MBD5: variants seen among roughly 807,000 people sequenced by gnomAD.
MBD5 encodes methyl-CpG-binding domain protein 5.
Under a neutral mutation model 117.3 loss-of-function variants are expected in MBD5, and 13 were observed. That is an observed-to-expected ratio of 0.11 (90% CI 0.07 to 0.18). The LOEUF is 0.18. Ranked by LOEUF, MBD5 falls within the 10% of genes least tolerant of loss-of-function variation. MBD5 has a pLI of 1.00. For missense variants in MBD5, 1,879 were observed against 2,093.8 expected, an observed-to-expected ratio of 0.90 and a Z score of 2.00; for synonymous variants, 727 against 766.4, an observed-to-expected ratio of 0.95 and a Z score of 0.85.
rs1409822898 is a variant in MBD5 at position 148,469,711 on chromosome 2, A to T, written c.1768A>T (p.Asn590Tyr). 1 of 1,613,956 alleles carries T rather than the reference A, an allele frequency of 6.2e-7. No individual in the cohort carries two copies. The highest frequency in any genetic ancestry group is 2.2e-5 in the East Asian group (1 of 44,868). ...LSAAAKAQLANQNKLAGNNSS... is the reference protein window; with the variant it reads ...LSAAAKAQLAYQNKLAGNNSS... ...AGCAGCAGCCAAAGCACAGCTAGCA[A>T]ATCAAAACAAACTTGCTGGTAACAA... The change falls in exon 8 of 14, where the codon AAT becomes TAT. Residue 590 changes from asparagine to tyrosine, a missense_variant. Transcript: ENST00000642680.
At chr2:148,262,865 C>A (rs993420873) in intron 3 of MBD5, among the ~76,000 whole-genome samples, 2 of 152,134 alleles carry the variant, frequency 1.3e-5, no homozygotes, top group African/African-American at 4.8e-5. Context: ...AAAGCAATAG[C>A]CTTAGGTGGG....
At chr2:148,482,325 G>A (rs915011518) in intron 8 of MBD5, among the ~76,000 whole-genome samples, 2 of 151,856 alleles carry the variant, frequency 1.3e-5, no homozygotes, top group African/African-American at 2.4e-5. Context: ...TCATGACTGT[G>A]GATTGATTAA....
At chr2:148,352,778 A>G (rs1176076320) in intron 4 of MBD5, among the ~76,000 whole-genome samples, 1 of 152,102 alleles carries the variant, frequency 6.6e-6, no homozygotes, top group Non-Finnish European at 1.5e-5. Flanking sequence ...AGTGTTTCAG[A>G]TTTCAGATTT....
At chr2:148,396,305 G>A (rs1704712430) in intron 4 of MBD5, among the ~76,000 whole-genome samples, 1 of 152,192 alleles carries the variant, frequency 6.6e-6, no homozygotes, top group Admixed American at 6.5e-5. Flanking sequence ...CAGAGCTGGT[G>A]TTAGAGAGCA....
At chr2:148,145,465 G>A (rs960428180) in intron 1 of MBD5, among the ~76,000 whole-genome samples, 2 of 152,084 alleles carry the variant, frequency 1.3e-5, no homozygotes, top group Non-Finnish European at 2.9e-5. Context: ...GATTGCCCTG[G>A]CCAGAACTTC....
Position 148,265,263 on chromosome 2 carries a change from C to T in MBD5, c.-680+31868C>T, listed in dbSNP as rs1700829752. Among the ~76,000 whole-genome samples, 3 of 152,116 alleles carry T rather than the reference C, an allele frequency of 2.0e-5. No homozygotes were observed. The South Asian group carries it at 6.2e-4, about 32-fold the overall frequency. Reference sequence around the variant, plus strand: ...AAAGAAATAAAAAACTTTTAAAATTCCAGTACCTGATTAAAATAACAGCAA... The same window carrying T: ...AAAGAAATAAAAAACTTTTAAAATTTCAGTACCTGATTAAAATAACAGCAA... On this transcript the variant is annotated intron_variant, in intron 3 of 13. Coordinates refer to ENST00000642680, the MANE Select transcript of MBD5 (RefSeq NM_001378120.1).
intron 1 of MBD5, among the ~76,000 whole-genome samples, chr2:148,029,615 C>G (rs2105576825): frequency 6.6e-6 from 1 of 152,158 alleles, no homozygotes; most frequent in Admixed American, 6.5e-5. Context: ...ATTTAGAATT[C>G]TTTGAAACCA....
intron 12 of MBD5, among the ~76,000 whole-genome samples, chr2:148,507,919 T>G (rs1682091632): frequency 6.6e-6 from 1 of 152,178 alleles, no homozygotes; most frequent in South Asian, 2.1e-4. Flanking sequence ...ATATAGTCAA[T>G]TTTAAACTCC....
intron 4 of MBD5, among the ~76,000 whole-genome samples, chr2:148,384,731 C>T (rs958117595): frequency 6.6e-6 from 1 of 151,938 alleles, no homozygotes; most frequent in African/African-American, 2.4e-5. Context: ...GCTACAGTAA[C>T]CAAAACAGCA....
chr2:148,468,214 T>C (rs1680632552), intron 7 of MBD5, 127 bp from the exon 8 acceptor site: 1 of 723,518 alleles, frequency 1.4e-6, no homozygotes, highest in Non-Finnish European at 2.4e-6. Flanking sequence ...CAGCTTTTAT[T>C]TACAGATTCC....
intron 1 of MBD5, among the ~76,000 whole-genome samples, chr2:148,061,015 G>A (rs955968291): frequency 2.0e-5 from 3 of 152,008 alleles, no homozygotes; most frequent in South Asian, 2.1e-4. Context: ...ATTGTAAAAA[G>A]TTTTCCCAAT....
At chr2:148,139,329 C>A (rs1192223834) in intron 1 of MBD5, among the ~76,000 whole-genome samples, 1 of 152,112 alleles carries the variant, frequency 6.6e-6, no homozygotes, top group Non-Finnish European at 1.5e-5. Context: ...GCCTCAGCCT[C>A]CCGAGTAGCT....
chr2:148,078,660 T>A (rs1695567564), intron 1 of MBD5, among the ~76,000 whole-genome samples: 1 of 152,234 alleles, frequency 6.6e-6, no homozygotes, highest in Non-Finnish European at 1.5e-5. Context: ...CTACAGTAGC[T>A]AAAATAGCGT....
At chr2:148,188,204 G>A (rs1020506289) in intron 2 of MBD5, among the ~76,000 whole-genome samples, 1 of 152,258 alleles carries the variant, frequency 6.6e-6, no homozygotes, top group South Asian at 2.1e-4. Flanking sequence ...TTCAAAATTT[G>A]AATGAATTCT....
intron 1 of MBD5, among the ~76,000 whole-genome samples, chr2:148,087,479 C>G (rs977265275): frequency 6.6e-6 from 1 of 152,224 alleles, no homozygotes; most frequent in African/African-American, 2.4e-5. Flanking sequence ...TCCCTGCCAC[C>G]TCTACCAGAG....
intron 8 of MBD5, among the ~76,000 whole-genome samples, chr2:148,474,598 C>T (rs1360861898): frequency 1.3e-5 from 2 of 151,934 alleles, no homozygotes; most frequent in Non-Finnish European, 2.9e-5. Context: ...TGAGGGGACA[C>T]GGTATGGGTT....
At chr2:148,209,803 A>G (rs1459084769) in intron 2 of MBD5, among the ~76,000 whole-genome samples, 1 of 152,082 alleles carries the variant, frequency 6.6e-6, no homozygotes, top group Non-Finnish European at 1.5e-5. Context: ...GGGAGGTGCT[A>G]CATACTTTTA....
At chr2:148,347,828 G>C (rs1365551118) in intron 4 of MBD5, among the ~76,000 whole-genome samples, 1 of 151,834 alleles carries the variant, frequency 6.6e-6, no homozygotes, top group Non-Finnish European at 1.5e-5. Flanking sequence ...TATGCTGAAA[G>C]GGGCCCATGA....
chr2:148,327,350 G>A (rs1039692274), intron 3 of MBD5, among the ~76,000 whole-genome samples: 254 of 152,012 alleles, frequency 1.7e-3, no homozygotes, highest in Non-Finnish European at 2.4e-3. Flanking sequence ...TCTTTGTGGC[G>A]TTCTCTGTAT....
Sources: allele counts gnomAD v4.1 joint callset (sites outside exome capture counted in the v4.1 genomes callset), GRCh38; gene constraint gnomAD v4.1.1; transcripts MANE v1.5; gene names NCBI Gene and HGNC (gene_info 2026-07-23, HGNC 2026-07-21).